Variants in HDAC9 observed in about 807,000 individuals in gnomAD.
HDAC9 encodes the protein histone deacetylase 9.
Under a neutral mutation model 139.4 loss-of-function variants are expected in HDAC9, and 41 were observed. The observed-to-expected ratio is 0.29, with a 90% CI of 0.23 to 0.38. The LOEUF (loss-of-function observed/expected upper bound fraction) is 0.38. Among genes scored for constraint, HDAC9 ranks in the 10% least tolerant of loss-of-function variants. The probability of loss-of-function intolerance (pLI) is 1.00; values close to 1 mark genes in which losing one functional copy is unlikely to be tolerated. For synonymous variants in HDAC9, 517 were observed against 476.2 expected, an observed-to-expected ratio of 1.09 and a Z score of -1.12; for missense variants, 1,147 against 1,297.0, an observed-to-expected ratio of 0.88 and a Z score of 1.78.
intron 1 of HDAC9, among the ~76,000 whole-genome samples, chr7:18,432,267 T>C (rs892753252): frequency 2.0e-5 from 3 of 152,172 alleles, no homozygotes; most frequent in Non-Finnish European, 4.4e-5. Context: ...TGGGAAGCAT[T>C]TCTTTTTAGC....
intron 19 of HDAC9, among the ~76,000 whole-genome samples, chr7:18,832,739 A>ATAT (rs1795944295): frequency 6.8e-6 from 1 of 147,134 alleles, no homozygotes. Flanking sequence ...ATATATATAT[A>ATAT]TTTTTTTTTT....
chr7:18,585,796 C>T (rs952366627), intron 3 of HDAC9, among the ~76,000 whole-genome samples: 21 of 152,074 alleles, frequency 1.4e-4, no homozygotes, highest in Admixed American at 2.6e-4. Context: ...TTCTCTCCTA[C>T]GTGATTTTGT....
intron 1 of HDAC9, among the ~76,000 whole-genome samples, chr7:18,155,073 TTTTC>T (rs34168137): frequency 3.1e-4 from 46 of 148,928 alleles, no homozygotes; most frequent in Middle Eastern, 3.4e-3. Flanking sequence ...ACAAAGCTTT[TTTTC>T]TTTCTTTCTT....
chr7:18,562,544 T>C (rs1820939445), intron 2 of HDAC9, among the ~76,000 whole-genome samples: 2 of 152,176 alleles, frequency 1.3e-5, no homozygotes, highest in African/African-American at 4.8e-5. Context: ...AACATTCTTG[T>C]CTAAAATTGA....
rs937397271 is a variant in HDAC9 at position 18,629,332 on chromosome 7, T to A, written c.665-18T>A. ...TTTTAATTTTTATCTATTTTTTTTTTTTTGTCTCAATCCCCAGCCTCTGAG... is the reference window on the plus strand; with the variant it reads ...TTTTAATTTTTATCTATTTTTTTTTATTTGTCTCAATCCCCAGCCTCTGAG... On this transcript the variant is annotated intron_variant, in intron 6 of 25. Coordinates refer to ENST00000686413, the MANE Select transcript of HDAC9 (RefSeq NM_178425.4). The A allele has an allele frequency of 2.0e-6, 3 of 1,522,474 alleles. No individual in the cohort carries two copies. The Admixed American group carries it at 6.6e-5, about 33-fold the overall frequency. The allele number at this position is 1,522,474 out of a possible 1,614,324, so 94.3% of individuals were successfully genotyped here. A position where few individuals can be genotyped will look rare whatever the true frequency, so the allele number is the denominator to read the frequency against.
At chr7:18,686,796 T>C (rs1360229908) in intron 12 of HDAC9, among the ~76,000 whole-genome samples, 1 of 151,874 alleles carries the variant, frequency 6.6e-6, no homozygotes, top group Non-Finnish European at 1.5e-5. Flanking sequence ...AAAAGAATGG[T>C]TGGAATCCTC....
rs1032967191 is a variant in HDAC9 at position 18,359,559 on chromosome 7, T to C, written c.-42+69044T>C. On this transcript the variant is annotated intron_variant, in intron 1 of 3. Transcript: ENST00000413509. Reference sequence around the variant, plus strand: ...ATAGTACAATGAACTTGCATGTAACTGTAGTCCCCAGCACCTGCTTTGTGT... The same window carrying C: ...ATAGTACAATGAACTTGCATGTAACCGTAGTCCCCAGCACCTGCTTTGTGT... 6.6e-5 allele frequency among the ~76,000 whole-genome samples: 10 copies of C among 152,138 alleles called. 1 individual carries two copies. The highest frequency in any genetic ancestry group is 2.4e-4 in the African/African-American group (10 of 41,444).
intron 6 of HDAC9, among the ~76,000 whole-genome samples, chr7:18,603,040 C>G (rs1233593081): frequency 2.6e-5 from 4 of 152,020 alleles, no homozygotes; most frequent in Non-Finnish European, 5.9e-5. Context: ...ACTATTTTAT[C>G]AATATGTAAC....
intron 1 of HDAC9, among the ~76,000 whole-genome samples, chr7:18,360,884 A>T (rs554067370): frequency 6.6e-6 from 1 of 152,328 alleles, no homozygotes; most frequent in East Asian, 1.9e-4. Flanking sequence ...ATAATGATCA[A>T]TGGGTAAATT....
At chr7:18,246,755 G>T (rs1794565401) in intron 2 of HDAC9, among the ~76,000 whole-genome samples, 1 of 152,090 alleles carries the variant, frequency 6.6e-6, no homozygotes, top group Admixed American at 6.5e-5. Flanking sequence ...TTTATACCGA[G>T]GGGCAAAACT....
At chr7:18,667,625 G>A (rs1316279804) in intron 12 of HDAC9, 1 of 984,652 alleles carries the variant, frequency 1.0e-6, no homozygotes, top group Admixed American at 6.2e-5. Context: ...ACAGAAAAGT[G>A]ATTCTGTGAG....
intron 22 of HDAC9, among the ~76,000 whole-genome samples, chr7:18,881,767 G>A (rs1799756677): frequency 6.6e-6 from 1 of 152,062 alleles, no homozygotes; most frequent in South Asian, 2.1e-4. Context: ...GCTCTGTTTA[G>A]CAGTTGTATC....
At chr7:18,677,164 A>G (rs1488558038) in intron 12 of HDAC9, among the ~76,000 whole-genome samples, 1 of 151,812 alleles carries the variant, frequency 6.6e-6, no homozygotes, top group Admixed American at 6.6e-5. Flanking sequence ...CCAGTCAACT[A>G]TTGATCTGTT....
At chr7:18,916,022 GA>G (rs55866735) in intron 22 of HDAC9, among the ~76,000 whole-genome samples, 7,129 of 137,986 alleles carry the variant, frequency 0.052, 406 homozygotes, top group East Asian at 0.18. Context: ...CCCCCCGCTG[GA>G]AAAAAAAAAA....
chr7:18,789,286 G>GCACGCACACACACACACA (rs1554356297), intron 16 of HDAC9, among the ~76,000 whole-genome samples: 13 of 148,396 alleles, frequency 8.8e-5, no homozygotes, highest in Non-Finnish European at 1.6e-4. Context: ...ACACATACAC[G>GCACGCACACACACACACA]CACACACACA....
chr7:18,187,904 T>C (rs1790040732), intron 2 of HDAC9, among the ~76,000 whole-genome samples: 2 of 152,210 alleles, frequency 1.3e-5, no homozygotes, highest in African/African-American at 4.8e-5. Flanking sequence ...CAGGCTTGTC[T>C]GATAAGAATC....
At chr7:18,463,038 T>C (rs2128111540) in intron 1 of HDAC9, among the ~76,000 whole-genome samples, 1 of 152,142 alleles carries the variant, frequency 6.6e-6, no homozygotes, top group South Asian at 2.1e-4. Context: ...TCCACAGTTT[T>C]GTAATTTTAG....
At chr7:18,219,549 A>C (rs2128174322) in intron 2 of HDAC9, among the ~76,000 whole-genome samples, 1 of 152,198 alleles carries the variant, frequency 6.6e-6, no homozygotes, top group South Asian at 2.1e-4. Flanking sequence ...GCTGAGGAAC[A>C]TTTGTCAAGG....
chr7:18,421,417 GA>G lies in HDAC9; in HGVS notation c.-41-74842del, dbSNP rs1789604193. On this transcript the variant is annotated intron_variant, in intron 1 of 3. Coordinates refer to the HDAC9 transcript ENST00000413509. ...GGAGGGAGGGAAGAAAAGAAGGAAG[GA>G]AAGGAAAGGAAGGAAAGGGAAAGAG... Among the ~76,000 whole-genome samples, 11 of 148,626 alleles carry G rather than the reference GA, an allele frequency of 7.4e-5. 1 individual carries two copies. The South Asian group carries it at 2.4e-3, about 32-fold the overall frequency.
Sources: allele counts gnomAD v4.1 joint callset (sites outside exome capture counted in the v4.1 genomes callset), GRCh38; gene constraint gnomAD v4.1.1; transcripts MANE v1.5; gene names NCBI Gene and HGNC (gene_info 2026-07-23, HGNC 2026-07-21).